CYB5R1: variants seen among roughly 807,000 people sequenced by gnomAD.
CYB5R1 encodes NADH-cytochrome b5 reductase 1.
Under a neutral mutation model 37.4 loss-of-function variants are expected in CYB5R1, and 32 were observed. The observed-to-expected ratio is 0.86, with a 90% CI of 0.65 to 1.15. The LOEUF is 1.15. Among genes scored for constraint, CYB5R1 ranks in the 50% most tolerant of loss-of-function variants. The probability of loss-of-function intolerance (pLI) is 0.00; values close to 1 mark genes in which losing one functional copy is unlikely to be tolerated. For missense variants in CYB5R1, 345 were observed against 382.5 expected (o/e 0.90, Z 0.82); for synonymous variants, 159 against 155.2 (o/e 1.02, Z -0.18).
At chr1:202,966,669 A>G (rs1460241599) in intron 2 of CYB5R1, 69 bp from the exon 3 acceptor site, 2 of 1,613,350 alleles carry the variant, frequency 1.2e-6, no homozygotes, top group African/African-American at 1.3e-5. Flanking sequence ...GGACATCCCA[A>G]CCACCGTGGG....
Position 202,962,655 on chromosome 1 carries a change from C to T in CYB5R1, c.790G>A (p.Glu264Lys). Residue 264 changes from glutamate to lysine, a missense_variant, in exon 9 of 9, where the codon GAA (glutamate) becomes AAA (lysine). Physicochemically the swap from Glu to Lys is moderately conservative, Grantham distance 56. Transcript: ENST00000367249. The part of the protein sequence containing the change: ...KGFVTADMIR[E>K]HLPAPGDDVL... ...TCATCCCCTGGAGCGGGCAGGTGTT[C>T]CCGGATCATGTCGGCAGTCACAAAG... The T allele has an allele frequency of 6.2e-7, 1 of 1,614,136 alleles. No homozygotes were observed. The highest frequency in any genetic ancestry group is 8.5e-7 in the Non-Finnish European group (1 of 1,180,026).
Position 202,964,705 on chromosome 1 carries a change from C to A in CYB5R1, c.476-10G>T, listed in dbSNP as rs1363896141. 25 of 1,600,280 alleles carry A rather than the reference C, an allele frequency of 1.6e-5. No homozygotes were observed. The Admixed American group carries it at 4.2e-4, about 27-fold the overall frequency. On this transcript the variant is annotated splice_polypyrimidine_tract_variant and intron_variant, in intron 5 of 8. Coordinates refer to ENST00000367249, the MANE Select transcript of CYB5R1 (RefSeq NM_016243.3). ...TGAATGTTAAAATGCCCTGAGAGGT[C>A]AGGTGAAGAGAGCAGTGGAAGAATA...
chr1:202,962,955 G>A lies in CYB5R1; in HGVS notation c.745+111C>T, dbSNP rs147500937. 4.6e-6 allele frequency: 5 copies of A among 1,079,346 alleles called. No individual in the cohort carries two copies. In the African/African-American group the frequency reaches 7.7e-5, roughly 17 times the overall value. 66.9% of individuals were successfully genotyped at this position (1,079,346 alleles called of 1,614,324 possible). A position where few individuals can be genotyped will look rare whatever the true frequency, so the allele number is the denominator to read the frequency against. On this transcript the variant is annotated intron_variant, in intron 8 of 8. Transcript: ENST00000367249. ...TGTGTCTGTGCACTCAGACTTCCGAGTTGGCAGTGTGAGGCAAGGTTGATT... is the reference window on the plus strand; with the variant it reads ...TGTGTCTGTGCACTCAGACTTCCGAATTGGCAGTGTGAGGCAAGGTTGATT...
chr1:202,963,360 T>C (rs982216546), intron 7 of CYB5R1, 195 bp from the exon 8 acceptor site: 4 of 598,744 alleles, frequency 6.7e-6, no homozygotes, highest in African/African-American at 3.7e-5. Flanking sequence ...CTACACATTA[T>C]GAAGGAACAA....
Position 202,963,741 on chromosome 1 carries a change from C to T in CYB5R1, c.560-14G>A, listed in dbSNP as rs543598961. Reference sequence around the variant, plus strand: ...TTGGGGTGATTCCTGCATGAAGATACCCCACAGTGAAATGTAGTGGCCACA... The same window carrying T: ...TTGGGGTGATTCCTGCATGAAGATATCCCACAGTGAAATGTAGTGGCCACA... On this transcript the variant is annotated splice_polypyrimidine_tract_variant and intron_variant, in intron 6 of 8. Transcript: ENST00000367249. 1.9e-6 allele frequency: 3 copies of T among 1,589,334 alleles called. No homozygotes were observed. The highest frequency in any genetic ancestry group is 1.3e-5 in the African/African-American group (1 of 74,220).
At position 202,962,622 on chromosome 1, in the gene CYB5R1, C is replaced by T; in HGVS notation, c.823G>A (p.Val275Ile). The change falls in exon 9 of 9, where the codon GTA (valine) becomes ATA (isoleucine). Residue 275 changes from valine to isoleucine, a missense_variant. Transcript: ENST00000367249. ...ATTGGGGGTGGCCCACAAAGCAGTA[C>T]CAGCACATCATCCCCTGGAGCGGGC... ...HLPAPGDDVLVLLCGPPPMVQ... is the reference protein window; with the variant it reads ...HLPAPGDDVLILLCGPPPMVQ... The T allele has an allele frequency of 6.2e-7, 1 of 1,614,166 alleles. No individual in the cohort carries two copies. The highest frequency in any genetic ancestry group is 1.1e-5 in the South Asian group (1 of 91,078).
At chr1:202,964,836 G>C (rs932216258) in intron 5 of CYB5R1, 141 bp from the exon 6 acceptor site, 3 of 683,912 alleles carry the variant, frequency 4.4e-6, no homozygotes, top group African/African-American at 1.8e-5. Flanking sequence ...GTGGAAGCTT[G>C]AGTTGAGCCA....
At chr1:202,966,043 T>C (rs1193608731) in intron 3 of CYB5R1, 50 bp from the exon 4 acceptor site, 1 of 1,180,128 alleles carries the variant, frequency 8.5e-7, no homozygotes, top group Non-Finnish European at 1.3e-6. Flanking sequence ...ATGTGCTGCA[T>C]CCCTCAAAAT....
At chr1:202,964,738 T>C (rs1655053156) in intron 5 of CYB5R1, 43 bp from the exon 6 acceptor site, 1 of 1,397,060 alleles carries the variant, frequency 7.2e-7, no homozygotes, top group African/African-American at 1.4e-5. Context: ...ATAAAGTCAA[T>C]ACAGCGAACT....
chr1:202,966,165 G>A (rs984813765), intron 3 of CYB5R1, 172 bp from the exon 4 acceptor site: 3 of 606,862 alleles, frequency 4.9e-6, no homozygotes, highest in Non-Finnish European at 8.8e-6. Context: ...TCTTATAAGC[G>A]CCCAGTTGAG....
In CYB5R1 at chr1:202,964,427, A is replaced by G. The variant is rs1655046243; in HGVS notation, c.559+185T>C. Reference sequence around the variant, plus strand: ...TTGTTTCTCTAATTCCATCAGTTAAAATTTTTTTTGGTTTCTACCTGCTTA... The same window carrying G: ...TTGTTTCTCTAATTCCATCAGTTAAGATTTTTTTTGGTTTCTACCTGCTTA... On this transcript the variant is annotated intron_variant, in intron 6 of 8. Transcript: ENST00000367249. 1.2e-5 allele frequency: 7 copies of G among 596,798 alleles called. No homozygotes were observed. The South Asian group carries it at 1.2e-4, about 11-fold the overall frequency. The allele number at this position is 596,798 out of a possible 1,614,324, so 37.0% of individuals were successfully genotyped here. A position where few individuals can be genotyped will look rare whatever the true frequency, so the allele number is the denominator to read the frequency against.
chr1:202,963,343 C>A, intron 7 of CYB5R1, 178 bp from the exon 8 acceptor site: 1 of 604,298 alleles, frequency 1.7e-6, no homozygotes, highest in Non-Finnish European at 2.9e-6. Flanking sequence ...AGGGGAACAG[C>A]CTTTATCTAC....
Position 202,965,427 on chromosome 1 carries a change from A to G in CYB5R1, c.419T>C (p.Val140Ala), listed in dbSNP as rs1177626579. Residue 140 changes from valine (V) to alanine (A), a missense_variant, in exon 5 of 9, where the codon GTT (valine) becomes GCT (alanine). Transcript: ENST00000367249. Reference protein sequence around the residue: ...KMSQYLDSLKVGDVVEFRGPS... With the variant: ...KMSQYLDSLKAGDVVEFRGPS... Reference sequence around the variant, plus strand: ...CCCCCGAAACTCCACCACATCCCCAACCTTCAGGCTATCCAGGTACTGAGA... The same window carrying G: ...CCCCCGAAACTCCACCACATCCCCAGCCTTCAGGCTATCCAGGTACTGAGA... The G allele has an allele frequency of 6.2e-7, 1 of 1,607,992 alleles. No individual in the cohort carries two copies. Among genetic ancestry groups the G allele is most frequent in the Non-Finnish European group, 8.5e-7 (1 of 1,177,084 alleles).
rs1296846245 is a variant in CYB5R1 at position 202,965,601 on chromosome 1, T to G, written c.346-101A>C. ...GAGGCTGGGGCAGGGATCAGATATGTGCTATCTTTTCCCCGTCTACATACT... is the reference window on the plus strand; with the variant it reads ...GAGGCTGGGGCAGGGATCAGATATGGGCTATCTTTTCCCCGTCTACATACT... On this transcript the variant is annotated intron_variant, in intron 4 of 8. Transcript: ENST00000367249. 12 of 1,240,400 alleles carry G rather than the reference T, an allele frequency of 9.7e-6. No homozygotes were observed. In the East Asian group the frequency reaches 3.0e-4, roughly 31 times the overall value. 76.8% of individuals were successfully genotyped at this position (1,240,400 alleles called of 1,614,324 possible). A position where few individuals can be genotyped will look rare whatever the true frequency, so the allele number is the denominator to read the frequency against.
intron 1 of CYB5R1, 53 bp downstream of exon 1, chr1:202,967,138 A>G: frequency 6.3e-7 from 1 of 1,594,860 alleles, no homozygotes; most frequent in African/African-American, 1.3e-5. Flanking sequence ...CTGAGTGGCC[A>G]GAACCAGATG....
chr1:202,967,075 T>C, intron 1 of CYB5R1, 116 bp downstream of exon 1: 1 of 1,453,460 alleles, frequency 6.9e-7, no homozygotes, highest in Non-Finnish European at 9.4e-7. Context: ...GCATCCACGG[T>C]GGGCCCAGAG....
intron 4 of CYB5R1, 117 bp downstream of exon 4, chr1:202,965,770 C>T (rs1422774471): frequency 5.1e-6 from 4 of 788,664 alleles, no homozygotes; most frequent in African/African-American, 1.7e-5. Context: ...GTAGCTCATA[C>T]TTTCTTCACA....
rs1571578027 is a variant in CYB5R1, at chr1:202,966,233, CA to C, written c.239-241del. 4 of 594,562 alleles carry C rather than the reference CA, an allele frequency of 6.7e-6. No homozygotes were observed. In the East Asian group the frequency reaches 8.4e-5, roughly 12 times the overall value. 36.8% of individuals were successfully genotyped at this position (594,562 alleles called of 1,614,324 possible). A position where few individuals can be genotyped will look rare whatever the true frequency, so the allele number is the denominator to read the frequency against. Reference sequence around the variant, plus strand: ...ACTGCCAGGACCTTGACAGATGAGCCAAAAGGGTCTGGGCAATGGGAAAAAG... The same window carrying C: ...ACTGCCAGGACCTTGACAGATGAGCCAAAGGGTCTGGGCAATGGGAAAAAG... On this transcript the variant is annotated intron_variant, in intron 3 of 8. Transcript: ENST00000367249.
chr1:202,964,471 A>G lies in CYB5R1; in HGVS notation c.559+141T>C, dbSNP rs140358148. 934 of 732,062 alleles carry G rather than the reference A, an allele frequency of 1.3e-3. 5 individuals carry two copies. In the African/African-American group the frequency reaches 0.014, roughly 11 times the overall value. The allele number at this position is 732,062 out of a possible 1,614,324, so 45.3% of individuals were successfully genotyped here. A position where few individuals can be genotyped will look rare whatever the true frequency, so the allele number is the denominator to read the frequency against. On this transcript the variant is annotated intron_variant, in intron 6 of 8. Transcript: ENST00000367249. Reference sequence around the variant, plus strand: ...CTGCTTATGATTTTGTTTTTCAGATACTAGGGAGTTCTAAGCATTGCTGGA... The same window carrying G: ...CTGCTTATGATTTTGTTTTTCAGATGCTAGGGAGTTCTAAGCATTGCTGGA...
Sources: gnomAD v4.1 joint callset for allele counts on GRCh38, gnomAD v4.1.1 for gene constraint, MANE v1.5 for transcripts, NCBI Gene and HGNC (gene_info 2026-07-23, HGNC 2026-07-21) for gene names.